Variants in ANLN observed in about 807,000 individuals in gnomAD.
ANLN encodes anillin.
In ANLN, 59 loss-of-function variants were observed where a neutral mutation model predicts 135.1. The ratio of observed to expected loss-of-function variants is 0.44; its 90% CI spans 0.35 to 0.54. The LOEUF (loss-of-function observed/expected upper bound fraction) is 0.54. ANLN is among the 20% of genes least tolerant of loss of function. The pLI is 0.00. For missense variants in ANLN, 1,182 were observed against 1,340.0 expected (o/e 0.88, Z 1.84); for synonymous variants, 406 against 456.4 (o/e 0.89, Z 1.41).
chr7:36,439,202 AG>A lies in ANLN; in HGVS notation c.2884del. On this transcript the variant is annotated splice_acceptor_variant, in intron 20 of 23. Transcript: ENST00000265748. LOFTEE classifies it high-confidence loss of function. The stretch of plus-strand genomic sequence containing the variant: ...CAAATAATTTACCTGTTTTCTTTGC[AG>A]GTCCCCTTTTTATCTTCTTTGGAAG... 1 of 1,548,314 alleles carries A rather than the reference AG, an allele frequency of 6.5e-7. No homozygotes were observed. Among genetic ancestry groups the A allele is most frequent in the Non-Finnish European group, 8.8e-7 (1 of 1,130,036 alleles).
At chr7:36,443,659 T>C (rs1471135540) in intron 21 of ANLN, 96 bp from the exon 22 acceptor site, 1 of 690,380 alleles carries the variant, frequency 1.4e-6, no homozygotes, top group Non-Finnish European at 2.5e-6. Flanking sequence ...ATATGAAATA[T>C]GTCAACATAC....
At chr7:36,430,136 T>C (rs1170215847) in intron 20 of ANLN, among the ~76,000 whole-genome samples, 2 of 152,188 alleles carry the variant, frequency 1.3e-5, no homozygotes, top group African/African-American at 4.8e-5. Flanking sequence ...GGGAAAAATT[T>C]AAGGCCTTCT....
At chr7:36,406,113 A>G in intron 3 of ANLN, 68 bp from the exon 4 acceptor site, 1 of 1,457,930 alleles carries the variant, frequency 6.9e-7, no homozygotes. Context: ...GCATAGAGTG[A>G]TCCTGGTATT....
chr7:36,441,619 G>C (rs1200180999), intron 21 of ANLN, among the ~76,000 whole-genome samples: 1 of 152,154 alleles, frequency 6.6e-6, no homozygotes, highest in African/African-American at 2.4e-5. Flanking sequence ...CAGCCAGAAG[G>C]TTCAATTTTT....
chr7:36,411,176 A>G lies in ANLN; in HGVS notation c.1395+10A>G, dbSNP rs761520153. Reference sequence around the variant, plus strand: ...ACTAGAAACCAAACAGGTAATGTAAACAAGAAATATAAAAACGAACTTGGT... The same window carrying G: ...ACTAGAAACCAAACAGGTAATGTAAGCAAGAAATATAAAAACGAACTTGGT... On this transcript the variant is annotated intron_variant, in intron 7 of 23. Transcript: ENST00000265748. 1.9e-6 allele frequency: 3 copies of G among 1,591,294 alleles called. 1 individual carries two copies. The highest frequency in any genetic ancestry group is 2.3e-5 in the South Asian group (2 of 86,740).
chr7:36,447,152 G>T (rs1161980907), intron 22 of ANLN, among the ~76,000 whole-genome samples: 1 of 152,186 alleles, frequency 6.6e-6, no homozygotes, highest in Non-Finnish European at 1.5e-5. Context: ...AACTTTTGCA[G>T]TTGGAGATGT....
intron 20 of ANLN, among the ~76,000 whole-genome samples, chr7:36,430,859 T>C (rs1788283726): frequency 6.6e-6 from 1 of 152,182 alleles, no homozygotes; most frequent in Non-Finnish European, 1.5e-5. Flanking sequence ...TGTGGATGTC[T>C]TAAAAGACTC....
intron 3 of ANLN, 120 bp downstream of exon 3, chr7:36,399,513 G>GATAT: frequency 1.1e-6 from 1 of 926,542 alleles, no homozygotes; most frequent in Non-Finnish European, 1.6e-6. Flanking sequence ...TCTATATGTT[G>GATAT]AGTATCCTTT....
Position 36,449,839 on chromosome 7 carries a change from T to C in ANLN, c.3251+2T>C. On this transcript the variant is annotated splice_donor_variant, in intron 23 of 23. Transcript: ENST00000265748. LOFTEE classifies it high-confidence loss of function. ...CAGGGACACACTCTGTGTTACCAAG[T>C]ATGTATTGGCCTATAAATATTTCTA... 1.2e-6 allele frequency: 2 copies of C among 1,612,664 alleles called. No homozygotes were observed. The highest frequency in any genetic ancestry group is 1.7e-6 in the Non-Finnish European group (2 of 1,179,340).
At chr7:36,423,177 A>T (rs1282962589) in intron 14 of ANLN, among the ~76,000 whole-genome samples, 1 of 152,174 alleles carries the variant, frequency 6.6e-6, no homozygotes, top group East Asian at 1.9e-4. Context: ...TATTTTAAAA[A>T]ATTTCTTTTT....
intron 20 of ANLN, among the ~76,000 whole-genome samples, chr7:36,434,528 T>C (rs1325136484): frequency 2.0e-5 from 3 of 152,234 alleles, no homozygotes; most frequent in African/African-American, 4.8e-5. Context: ...GCTAAGTTGC[T>C]AAGAATATTT....
At chr7:36,420,875 C>A in intron 12 of ANLN, 131 bp downstream of exon 12, 1 of 786,790 alleles carries the variant, frequency 1.3e-6, no homozygotes, top group Non-Finnish European at 2.0e-6. Context: ...TGCATAGAAG[C>A]TCAGTAAATC....
intron 1 of ANLN, 137 bp from the exon 2 acceptor site, chr7:36,396,129 A>G (rs2116506196): frequency 1.7e-6 from 1 of 586,974 alleles, no homozygotes; most frequent in Non-Finnish European, 2.7e-6. Flanking sequence ...GAATCTTGAC[A>G]TAATTGCTTA....
chr7:36,431,604 TATATATATATATA>T (rs199913563), intron 20 of ANLN, among the ~76,000 whole-genome samples: 4,484 of 43,474 alleles, frequency 0.1, 118 homozygotes, highest in African/African-American at 0.13. Context: ...TGTGTATATA[TATATATATATATA>T]ATATATATAT....
chr7:36,396,051 A>G (rs529893676), intron 1 of ANLN, among the ~76,000 whole-genome samples: 1 of 152,320 alleles, frequency 6.6e-6, no homozygotes, highest in South Asian at 2.1e-4. Context: ...TTATATAACT[A>G]ACTTTACATA....
chr7:36,421,327 C>A (rs1021623437), intron 12 of ANLN, among the ~76,000 whole-genome samples: 1 of 151,922 alleles, frequency 6.6e-6, no homozygotes, highest in Non-Finnish European at 1.5e-5. Context: ...CTCAGCCTCC[C>A]AAAGTGCTAG....
Position 36,424,605 on chromosome 7 carries a change from A to G in ANLN, c.2652+12A>G. 1 of 1,600,664 alleles carries G rather than the reference A, an allele frequency of 6.2e-7. No homozygotes were observed. Among genetic ancestry groups the G allele is most frequent in the Non-Finnish European group, 8.5e-7 (1 of 1,173,284 alleles). On this transcript the variant is annotated intron_variant, in intron 16 of 23. Coordinates refer to ENST00000265748, the MANE Select transcript of ANLN (RefSeq NM_018685.5). ...AAGTTTACAGCTTGGTAAGCTGATA[A>G]AGCCTTCTAAAATAATGAAGAGTAT...
chr7:36,450,980 G>A (rs934947955), intron 23 of ANLN, among the ~76,000 whole-genome samples: 22 of 152,128 alleles, frequency 1.4e-4, no homozygotes, highest in Admixed American at 4.6e-4. Flanking sequence ...TAATTACTCT[G>A]TACCTCATGT....
At chr7:36,446,638 A>G (rs1376151684) in intron 22 of ANLN, among the ~76,000 whole-genome samples, 1 of 152,190 alleles carries the variant, frequency 6.6e-6, no homozygotes, top group East Asian at 1.9e-4. Flanking sequence ...GAACTCATTC[A>G]CTATTGTGAG....
Sources: gnomAD v4.1 joint callset for allele counts (sites outside exome capture counted in the v4.1 genomes callset) on GRCh38, gnomAD v4.1.1 for gene constraint, MANE v1.5 for transcripts, NCBI Gene and HGNC (gene_info 2026-07-23, HGNC 2026-07-21) for gene names.